The following REC114 variants were observed in gnomAD, a reference collection of about 807,000 sequenced individuals.
REC114 encodes the protein meiotic recombination protein REC114.
REC114 carries 27 observed loss-of-function variants against 31.3 expected under a neutral mutation model. The observed-to-expected ratio is 0.86, with a 90% CI of 0.64 to 1.19. The LOEUF (loss-of-function observed/expected upper bound fraction) is 1.19. Among genes scored for constraint, REC114 ranks in the 50% most tolerant of loss-of-function variants. The pLI, the probability that REC114 is intolerant of heterozygous loss-of-function variation, is 0.00. For synonymous variants in REC114, 134 were observed against 127.7 expected (o/e 1.05, Z -0.33); for missense variants, 344 against 326.9 (o/e 1.05, Z -0.40).
chr15:73,461,238 A>G (rs1892984224), intron 1 of REC114, among the ~76,000 whole-genome samples: 1 of 152,114 alleles, frequency 6.6e-6, no homozygotes, highest in Non-Finnish European at 1.5e-5. Flanking sequence ...TGGCAGGACC[A>G]CTTTTATTAG....
intron 2 of REC114, among the ~76,000 whole-genome samples, chr15:73,537,536 G>A (rs1595880481): frequency 6.6e-6 from 1 of 152,274 alleles, no homozygotes; most frequent in African/African-American, 2.4e-5. Context: ...CAGGTTCCCA[G>A]ACAGGCTATG....
intron 2 of REC114, among the ~76,000 whole-genome samples, chr15:73,517,043 T>G (rs187293211): frequency 6.6e-6 from 1 of 152,216 alleles, no homozygotes; most frequent in Non-Finnish European, 1.5e-5. Context: ...AGAACCTCAC[T>G]AGGACACAGG....
intron 2 of REC114, among the ~76,000 whole-genome samples, chr15:73,482,296 A>G (rs546307085): frequency 2.0e-5 from 3 of 152,260 alleles, no homozygotes; most frequent in African/African-American, 7.2e-5. Context: ...TGTCCTCACG[A>G]TAATAAGTGA....
chr15:73,466,710 T>C (rs1474443656), intron 1 of REC114, among the ~76,000 whole-genome samples: 1 of 152,258 alleles, frequency 6.6e-6, no homozygotes, highest in East Asian at 1.9e-4. Flanking sequence ...GTTAAAGATA[T>C]TGTTCAAATT....
intron 3 of REC114, among the ~76,000 whole-genome samples, chr15:73,545,449 T>TA (rs1894295898): frequency 6.6e-6 from 1 of 152,214 alleles, no homozygotes; most frequent in Admixed American, 6.5e-5. Flanking sequence ...TATGGTAACC[T>TA]ATGGCATTGA....
At chr15:73,443,391 G>A (rs754817250) in intron 1 of REC114, 47 bp downstream of exon 1, 1 of 1,519,544 alleles carries the variant, frequency 6.6e-7, no homozygotes, top group Non-Finnish European at 8.8e-7. Context: ...ACAGCCCTCA[G>A]GAGGGGAGGC....
intron 1 of REC114, among the ~76,000 whole-genome samples, chr15:73,464,851 A>G (rs1893036177): frequency 1.3e-5 from 2 of 152,052 alleles, no homozygotes; most frequent in South Asian, 4.2e-4. Context: ...CTGAGACCTC[A>G]ATCCACCCTT....
chr15:73,503,722 A>G (rs1893634189), intron 2 of REC114, among the ~76,000 whole-genome samples: 1 of 152,050 alleles, frequency 6.6e-6, no homozygotes, highest in Admixed American at 6.6e-5. Flanking sequence ...CTTATTGGCA[A>G]TTTGGGTTTC....
intron 1 of REC114, among the ~76,000 whole-genome samples, chr15:73,452,151 A>G (rs534111016): frequency 6.6e-6 from 1 of 152,314 alleles, no homozygotes; most frequent in South Asian, 2.1e-4. Context: ...GGGCAAGAGA[A>G]AGAAATAAAG....
rs569280258 is a variant in REC114, at chr15:73,552,108, G to T, written c.546+958G>T. 1.4e-4 allele frequency among the ~76,000 whole-genome samples: 21 copies of T among 152,324 alleles called. No homozygotes were observed. In the South Asian group the frequency reaches 1.7e-3, roughly 12 times the overall value. On this transcript the variant is annotated intron_variant, in intron 4 of 5. Coordinates refer to ENST00000331090, the MANE Select transcript of REC114 (RefSeq NM_001042367.2). ...TTCAAAAGTGTAAGATAGGCTAAAA[G>T]ATTGTAATATAACAGTATAACAAGT... is the stretch of plus-strand genomic sequence containing the variant.
intron 2 of REC114, among the ~76,000 whole-genome samples, chr15:73,476,576 A>G (rs1355012257): frequency 6.6e-6 from 1 of 152,212 alleles, no homozygotes; most frequent in East Asian, 1.9e-4. Flanking sequence ...GCTAATTAAC[A>G]TATGCATTAC....
intron 2 of REC114, among the ~76,000 whole-genome samples, chr15:73,489,321 G>A (rs7162092): frequency 0.023 from 3,500 of 150,636 alleles, 156 homozygotes; most frequent in African/African-American, 0.08. Flanking sequence ...CTCCTGCCTC[G>A]GCCTCCTGAG....
At chr15:73,470,731 G>A (rs1290832712) in intron 1 of REC114, among the ~76,000 whole-genome samples, 4 of 152,174 alleles carry the variant, frequency 2.6e-5, no homozygotes, top group African/African-American at 7.2e-5. Context: ...GAAGGGAATA[G>A]GAGTAGTGTG....
chr15:73,520,224 C>A (rs1450683207), intron 2 of REC114, among the ~76,000 whole-genome samples: 2 of 147,232 alleles, frequency 1.4e-5, no homozygotes, highest in Non-Finnish European at 3.0e-5. Context: ...TTTTTTTTTT[C>A]GTTTTGGGTT....
At chr15:73,506,841 G>T (rs2141311955) in intron 2 of REC114, among the ~76,000 whole-genome samples, 1 of 152,172 alleles carries the variant, frequency 6.6e-6, no homozygotes, top group South Asian at 2.1e-4. Flanking sequence ...GCCTTAGAAA[G>T]GATTTTTAAA....
At chr15:73,463,443 T>C (rs1309142951) in intron 1 of REC114, among the ~76,000 whole-genome samples, 1 of 152,244 alleles carries the variant, frequency 6.6e-6, no homozygotes, top group African/African-American at 2.4e-5. Context: ...AAACATCCCC[T>C]TATCTATTAG....
At chr15:73,556,555 A>G (rs1370602700) in intron 5 of REC114, among the ~76,000 whole-genome samples, 164 bp downstream of exon 5, 1 of 152,148 alleles carries the variant, frequency 6.6e-6, no homozygotes, top group Non-Finnish European at 1.5e-5. Flanking sequence ...CCCCTTGCAG[A>G]GTTAAGTTTT....
In REC114 at chr15:73,540,497, C is replaced by G; in HGVS notation, c.262C>G (p.Leu88Val). 1.2e-6 allele frequency: 2 copies of G among 1,613,804 alleles called. No homozygotes were observed. The highest frequency in any genetic ancestry group is 8.5e-7 in the Non-Finnish European group (1 of 1,179,738). The change falls in exon 3 of 6, where the codon CTC becomes GTC. Residue 88 changes from leucine to valine, a missense_variant. Leu to Val is a conservative substitution (Grantham distance 32). Coordinates refer to ENST00000331090, the MANE Select transcript of REC114 (RefSeq NM_001042367.2). ...QGQTLLEGFS[L>V]IGSKDWLKIV... Reference sequence around the variant, plus strand: ...AATTTTGTTTCAGGAAGGGTTTTCACTCATTGGTAGCAAGGACTGGTTGAA... The same window carrying G: ...AATTTTGTTTCAGGAAGGGTTTTCAGTCATTGGTAGCAAGGACTGGTTGAA...
chr15:73,555,701 C>T (rs373044851), intron 4 of REC114, among the ~76,000 whole-genome samples: 1 of 152,028 alleles, frequency 6.6e-6, no homozygotes, highest in South Asian at 2.1e-4. Flanking sequence ...GTGTCTAGTA[C>T]GTAGGAGGTA....
Sources: gnomAD v4.1 joint callset for allele counts (sites outside exome capture counted in the v4.1 genomes callset) on GRCh38, gnomAD v4.1.1 for gene constraint, MANE v1.5 for transcripts, NCBI Gene and HGNC (gene_info 2026-07-23, HGNC 2026-07-21) for gene names.